Variants in ST18 observed in about 807,000 individuals in gnomAD.
The protein encoded by ST18 is suppression of tumorigenicity 18 protein.
Under a neutral mutation model 110.0 loss-of-function variants are expected in ST18, and 50 were observed. That is an observed-to-expected ratio of 0.45 (90% CI 0.36 to 0.58). The LOEUF (loss-of-function observed/expected upper bound fraction) is 0.58, where lower values mean the gene tolerates loss of function less well. Ranked by LOEUF, ST18 falls within the 20% of genes least tolerant of loss-of-function variation. ST18 has a pLI of 0.00. For synonymous variants in ST18, 461 were observed against 452.4 expected (o/e 1.02, Z -0.24); for missense variants, 1,306 against 1,280.1 (o/e 1.02, Z -0.31).
chr8:52,150,301 T>TAC (rs373654480), intron 15 of ST18, among the ~76,000 whole-genome samples: 2 of 151,804 alleles, frequency 1.3e-5, no homozygotes, highest in East Asian at 1.9e-4. Context: ...TGTATATATA[T>TAC]ACACATACAC....
chr8:52,130,632 G>A (rs1346257401), intron 22 of ST18, among the ~76,000 whole-genome samples: 2 of 152,206 alleles, frequency 1.3e-5, no homozygotes, highest in African/African-American at 4.8e-5. Flanking sequence ...TTTTCAAATT[G>A]ACTCTTTAAA....
chr8:52,221,131 CTAT>C (rs1564147455), intron 4 of ST18, among the ~76,000 whole-genome samples: 8 of 151,678 alleles, frequency 5.3e-5, no homozygotes, highest in East Asian at 1.9e-4. Flanking sequence ...ATCTATCTAT[CTAT>C]CTACCTACCA....
intron 13 of ST18, among the ~76,000 whole-genome samples, chr8:52,163,635 C>A (rs776082075): frequency 4.6e-5 from 7 of 152,076 alleles, no homozygotes; most frequent in African/African-American, 1.7e-4. Context: ...TTTCTCCAGG[C>A]AGAAAGGTGA....
At chr8:52,396,198 T>C (rs1229396026) in intron 2 of ST18, among the ~76,000 whole-genome samples, 1 of 152,188 alleles carries the variant, frequency 6.6e-6, no homozygotes, top group Non-Finnish European at 1.5e-5. Flanking sequence ...TACAATTTTA[T>C]TTACTATAGT....
chr8:52,348,314 G>A (rs532756209), intron 2 of ST18, among the ~76,000 whole-genome samples: 158 of 152,306 alleles, frequency 1.0e-3, no homozygotes, highest in Non-Finnish European at 1.2e-3. Flanking sequence ...TTGGAACTAA[G>A]GAAGACCATG....
chr8:52,197,032 A>G (rs951609341), intron 8 of ST18, among the ~76,000 whole-genome samples: 4 of 152,232 alleles, frequency 2.6e-5, no homozygotes, highest in African/African-American at 7.2e-5. Context: ...AGAATTTTAC[A>G]TTTTAATGGA....
intron 2 of ST18, among the ~76,000 whole-genome samples, chr8:52,244,151 G>A (rs1253600747): frequency 3.3e-5 from 5 of 152,122 alleles, no homozygotes; most frequent in East Asian, 1.9e-4. Context: ...TGGCAAAGAC[G>A]GGCCATGGTG....
intron 2 of ST18, among the ~76,000 whole-genome samples, chr8:52,325,009 G>T (rs1273018263): frequency 1.3e-5 from 2 of 152,214 alleles, no homozygotes; most frequent in Non-Finnish European, 2.9e-5. Context: ...TAAGGATGGA[G>T]GAATTAATTT....
At chr8:52,395,150 A>G (rs749835901) in intron 2 of ST18, among the ~76,000 whole-genome samples, 4 of 152,246 alleles carry the variant, frequency 2.6e-5, no homozygotes, top group African/African-American at 4.8e-5. Context: ...CTTTCAACAT[A>G]GAGACCACCA....
At chr8:52,345,396 T>A (rs1817286188) in intron 2 of ST18, among the ~76,000 whole-genome samples, 1 of 152,240 alleles carries the variant, frequency 6.6e-6, no homozygotes, top group African/African-American at 2.4e-5. Context: ...GAACGATGAC[T>A]TCACCATATT....
At chr8:52,294,893 C>T (rs2095608350) in intron 2 of ST18, among the ~76,000 whole-genome samples, 1 of 152,198 alleles carries the variant, frequency 6.6e-6, no homozygotes, top group African/African-American at 2.4e-5. Context: ...GCTGCAGGAG[C>T]CATGCTTATC....
chr8:52,212,294 C>T (rs996547685), intron 7 of ST18, among the ~76,000 whole-genome samples, 185 bp from the exon 8 acceptor site: 3 of 152,154 alleles, frequency 2.0e-5, no homozygotes, highest in Non-Finnish European at 4.4e-5. Flanking sequence ...AACAGACCGG[C>T]TGTGGGTTTA....
chr8:52,173,354 T>C (rs1330734567), intron 9 of ST18, among the ~76,000 whole-genome samples: 2 of 152,210 alleles, frequency 1.3e-5, no homozygotes, highest in Non-Finnish European at 2.9e-5. Flanking sequence ...GAATGGCAAC[T>C]AGCTGTTTTC....
chr8:52,282,768 CAA>C (rs2095406726), intron 2 of ST18, among the ~76,000 whole-genome samples: 2 of 151,924 alleles, frequency 1.3e-5, no homozygotes, highest in African/African-American at 4.8e-5. Context: ...GAGGCTCGTA[CAA>C]CACCTGCCAC....
At chr8:52,396,711 T>C (rs1841260288) in intron 2 of ST18, among the ~76,000 whole-genome samples, 2 of 152,072 alleles carry the variant, frequency 1.3e-5, no homozygotes, top group Non-Finnish European at 2.9e-5. Context: ...GAGAATTCAC[T>C]CACTCATGAG....
At chr8:52,185,699 G>C (rs891428944) in intron 8 of ST18, among the ~76,000 whole-genome samples, 22 of 152,108 alleles carry the variant, frequency 1.4e-4, no homozygotes, top group Admixed American at 1.4e-3. Context: ...AGTGAACAGT[G>C]CTCGATTAAT....
chr8:52,265,594 A>G (rs1250533610), intron 2 of ST18, among the ~76,000 whole-genome samples: 1 of 152,238 alleles, frequency 6.6e-6, no homozygotes, highest in Non-Finnish European at 1.5e-5. Context: ...GTTTGGGAAT[A>G]GAATCCACAG....
intron 7 of ST18, 50 bp from the exon 8 acceptor site, chr8:52,212,159 C>T (rs1191099333): frequency 6.4e-7 from 1 of 1,561,106 alleles, no homozygotes; most frequent in Non-Finnish European, 8.6e-7. Context: ...TGATAATTTT[C>T]AAAACTGTAT....
At chr8:52,146,931 T>G (rs1464880218) in intron 16 of ST18, among the ~76,000 whole-genome samples, 9 of 152,176 alleles carry the variant, frequency 5.9e-5, no homozygotes, top group Non-Finnish European at 8.8e-5. Context: ...ACTGGGACAA[T>G]AAGCATTTAG....
Sources: gnomAD v4.1 joint callset for allele counts (sites outside exome capture counted in the v4.1 genomes callset) on GRCh38, gnomAD v4.1.1 for gene constraint, MANE v1.5 for transcripts, NCBI Gene and HGNC (gene_info 2026-07-23, HGNC 2026-07-21) for gene names.